The following SLC35F3 variants were observed in gnomAD, a reference collection of about 807,000 sequenced individuals.
SLC35F3 encodes solute carrier family 35 member F3.
SLC35F3 carries 25 observed loss-of-function variants against 49.9 expected under a neutral mutation model. The ratio of observed to expected loss-of-function variants is 0.50; its 90% CI spans 0.37 to 0.70. SLC35F3 has a LOEUF of 0.70. Ranked by LOEUF, SLC35F3 falls within the 30% of genes least tolerant of loss-of-function variation. The pLI, the probability that SLC35F3 is intolerant of heterozygous loss-of-function variation, is 0.00. For missense variants in SLC35F3, 525 were observed against 639.8 expected (o/e 0.82, Z 1.94); for synonymous variants, 275 against 265.4 (o/e 1.04, Z -0.35).
chr1:234,014,430 C>T (rs1426651204), intron 2 of SLC35F3, among the ~76,000 whole-genome samples: 1 of 152,190 alleles, frequency 6.6e-6, no homozygotes, highest in Non-Finnish European at 1.5e-5. Context: ...AGAATGCCCA[C>T]TCTAACCGCT....
At chr1:234,098,610 ATGG>A (rs1298821986) in intron 2 of SLC35F3, among the ~76,000 whole-genome samples, 5 of 122,286 alleles carry the variant, frequency 4.1e-5, no homozygotes, top group East Asian at 2.8e-4. Flanking sequence ...TTATAGGGTG[ATGG>A]TGGTGACTGT....
At chr1:234,245,383 A>G (rs1483839239) in intron 3 of SLC35F3, among the ~76,000 whole-genome samples, 1 of 152,214 alleles carries the variant, frequency 6.6e-6, no homozygotes, top group Non-Finnish European at 1.5e-5. Flanking sequence ...TGGACACATA[A>G]GTTGATTCCA....
At chr1:234,271,078 C>G (rs568159076) in intron 3 of SLC35F3, among the ~76,000 whole-genome samples, 2 of 152,268 alleles carry the variant, frequency 1.3e-5, no homozygotes, top group Admixed American at 6.5e-5. Context: ...TCTAAAGAAC[C>G]CATTTCCTGT....
intron 2 of SLC35F3, among the ~76,000 whole-genome samples, chr1:234,081,225 A>G (rs913354221): frequency 2.6e-5 from 4 of 152,194 alleles, no homozygotes; most frequent in Admixed American, 6.5e-5. Flanking sequence ...CCAAACATCC[A>G]TTTATAATAT....
rs143440757 is a variant in SLC35F3, at chr1:234,320,215, C to T, written c.1237+28C>T. On this transcript the variant is annotated intron_variant, in intron 7 of 7. Transcript: ENST00000366618. The surrounding 1 kb of genome is among the most constrained non-coding windows in gnomAD (Gnocchi z 4.8). Reference sequence around the variant, plus strand: ...AAACCTATGCGGCTTTCTATATCTGCACATAAGCACACACACTCAGTCACC... The same window carrying T: ...AAACCTATGCGGCTTTCTATATCTGTACATAAGCACACACACTCAGTCACC... 4.6e-3 allele frequency: 6,774 copies of T among 1,485,248 alleles called. 283 individuals are homozygous for T. The Admixed American group carries it at 0.086, about 19-fold the overall frequency. 92.0% of individuals were successfully genotyped at this position (1,485,248 alleles called of 1,614,324 possible).
chr1:234,147,458 C>A (rs968655745), intron 2 of SLC35F3, among the ~76,000 whole-genome samples: 5 of 151,972 alleles, frequency 3.3e-5, no homozygotes, highest in Admixed American at 3.3e-4. Context: ...TAGAGTTATA[C>A]TTATTTTAAA....
chr1:234,090,998 T>G (rs1031976027), intron 2 of SLC35F3, among the ~76,000 whole-genome samples: 1 of 152,214 alleles, frequency 6.6e-6, no homozygotes, highest in Non-Finnish European at 1.5e-5. Flanking sequence ...ACTGAGTTGT[T>G]CAAGCACCAA....
intron 2 of SLC35F3, among the ~76,000 whole-genome samples, chr1:234,119,331 C>G (rs1665539425): frequency 6.9e-6 from 1 of 144,742 alleles, no homozygotes; most frequent in Non-Finnish European, 1.5e-5. Flanking sequence ...AGCGTTCAAA[C>G]AAAAATCTCT....
At chr1:233,913,592 GA>G (rs372445652) in intron 2 of SLC35F3, among the ~76,000 whole-genome samples, 13 of 152,256 alleles carry the variant, frequency 8.5e-5, no homozygotes, top group African/African-American at 2.9e-4. Flanking sequence ...AGAGTATCTC[GA>G]TCAATAAACA....
chr1:234,122,751 T>C (rs1425316757), intron 2 of SLC35F3, among the ~76,000 whole-genome samples: 1 of 152,244 alleles, frequency 6.6e-6, no homozygotes, highest in Non-Finnish European at 1.5e-5. Context: ...CTGCTGAGAA[T>C]GATGGCTTGC....
chr1:234,006,456 C>T (rs1020291256), intron 2 of SLC35F3, among the ~76,000 whole-genome samples: 2 of 151,158 alleles, frequency 1.3e-5, no homozygotes, highest in Non-Finnish European at 2.9e-5. Context: ...TCAAACTGTG[C>T]AGACCCCTTT....
chr1:234,062,844 ATTTTTTTT>A (rs71170448), intron 2 of SLC35F3, among the ~76,000 whole-genome samples: 3 of 132,506 alleles, frequency 2.3e-5, no homozygotes, highest in African/African-American at 8.5e-5. Flanking sequence ...CGCCTGGCTA[ATTTTTTTT>A]TTTTTTTTTT....
intron 2 of SLC35F3, among the ~76,000 whole-genome samples, chr1:233,994,678 G>A (rs546153600): frequency 1.8e-4 from 27 of 152,216 alleles, no homozygotes; most frequent in African/African-American, 6.0e-4. Context: ...GAGGTTTCCT[G>A]GTATAAAAGT....
At chr1:234,109,782 C>A (rs1665377762) in intron 2 of SLC35F3, among the ~76,000 whole-genome samples, 1 of 152,006 alleles carries the variant, frequency 6.6e-6, no homozygotes, top group Non-Finnish European at 1.5e-5. Flanking sequence ...TCTGGGTGTT[C>A]CAGAGAGGGC....
At chr1:233,973,220 G>A (rs907874252) in intron 2 of SLC35F3, among the ~76,000 whole-genome samples, 7 of 152,202 alleles carry the variant, frequency 4.6e-5, no homozygotes, top group African/African-American at 1.4e-4. Context: ...GTCTGTGAGA[G>A]CCACAGCTTG....
intron 4 of SLC35F3, among the ~76,000 whole-genome samples, chr1:234,314,731 C>T (rs1657443312): frequency 6.6e-6 from 1 of 152,200 alleles, no homozygotes; most frequent in Non-Finnish European, 1.5e-5. Context: ...CATTGCACTC[C>T]AACCTGGGCA....
At chr1:233,963,065 G>A (rs952044808) in intron 2 of SLC35F3, among the ~76,000 whole-genome samples, 3 of 152,186 alleles carry the variant, frequency 2.0e-5, no homozygotes, top group African/African-American at 7.2e-5. Flanking sequence ...ACAGAGACAA[G>A]CATTAGCCCT....
At chr1:234,193,298 T>C (rs1000473287) in intron 2 of SLC35F3, among the ~76,000 whole-genome samples, 3 of 152,102 alleles carry the variant, frequency 2.0e-5, no homozygotes, top group Admixed American at 2.0e-4. Context: ...CAAATACTTA[T>C]AGCCAACTGA....
At chr1:233,909,341 T>C (rs1429611405) in intron 2 of SLC35F3, among the ~76,000 whole-genome samples, 1 of 152,198 alleles carries the variant, frequency 6.6e-6, no homozygotes, top group African/African-American at 2.4e-5. Flanking sequence ...GCAGTATTCC[T>C]GGGAATTCTT....
Sources: gnomAD v4.1 joint callset for allele counts (sites outside exome capture counted in the v4.1 genomes callset) on GRCh38, gnomAD v4.1.1 for gene constraint, Gnocchi (gnomAD v3.1) non-coding constraint, MANE v1.5 for transcripts, NCBI Gene and HGNC (gene_info 2026-07-23, HGNC 2026-07-21) for gene names.